SNX29: variants seen among roughly 807,000 people sequenced by gnomAD.
SNX29 encodes the protein sorting nexin-29.
Under a neutral mutation model 102.1 loss-of-function variants are expected in SNX29, and 78 were observed. The ratio of observed to expected loss-of-function variants is 0.76; its 90% CI spans 0.64 to 0.92. SNX29 has a LOEUF of 0.92. Among genes scored for constraint, SNX29 ranks in the 40% least tolerant of loss-of-function variants. SNX29 has a pLI of 0.00. For synonymous variants in SNX29, 580 were observed against 414.5 expected (o/e 1.40, Z -4.85); for missense variants, 1,280 against 1,061.7 (o/e 1.21, Z -2.86).
intron 20 of SNX29, among the ~76,000 whole-genome samples, chr16:12,536,611 G>T (rs545260020): frequency 4.8e-4 from 73 of 152,290 alleles, no homozygotes; most frequent in South Asian, 2.5e-3. Context: ...TAACTAGTTT[G>T]GCTGTGGCTG....
intron 18 of SNX29, among the ~76,000 whole-genome samples, chr16:12,471,225 C>T (rs1567597908): frequency 6.6e-6 from 1 of 152,214 alleles, no homozygotes; most frequent in Non-Finnish European, 1.5e-5. Context: ...TCCCTCCCCA[C>T]ATCTTCTTTT....
chr16:12,220,152 AAGAATGTGTGTTATTTCAC>A lies in SNX29; in HGVS notation c.1678+20473_1678+20491del, dbSNP rs138748823. ...CACCGCGCTGTGAGTTGGAGGTAAC[AAGAATGTGTGTTATTTCAC>A]AGAGCTGAGAAGCTTGGGGTGCAGG... On this transcript the variant is annotated intron_variant, in intron 14 of 20. Coordinates refer to ENST00000566228, the MANE Select transcript of SNX29 (RefSeq NM_032167.5). Among the ~76,000 whole-genome samples, 636 of 152,352 alleles carry A rather than the reference AAGAATGTGTGTTATTTCAC, an allele frequency of 4.2e-3. 4 individuals carry two copies. The highest frequency in any genetic ancestry group is 0.015 in the African/African-American group (607 of 41,584).
At position 12,046,467 on chromosome 16, in the gene SNX29, C is replaced by T. The variant is rs534648447; in HGVS notation, c.499+13C>T. 6.2e-7 allele frequency: 1 copy of T among 1,613,634 alleles called. No individual in the cohort carries two copies. Among genetic ancestry groups the T allele is most frequent in the South Asian group, 1.1e-5 (1 of 91,052 alleles). On this transcript the variant is annotated intron_variant, in intron 6 of 20. Transcript: ENST00000566228. ...ACCATGGCAGCAGGTAAGCCTGGCC[C>T]AGACCAGGGTGCAGGGCCTTGTGAC...
At chr16:12,225,756 C>G (rs370202693) in intron 14 of SNX29, among the ~76,000 whole-genome samples, 1 of 152,152 alleles carries the variant, frequency 6.6e-6, no homozygotes, top group African/African-American at 2.4e-5. Flanking sequence ...GGGATTTGAC[C>G]AGATCTCAGC....
chr16:11,981,486 C>T (rs935691276), intron 1 of SNX29, among the ~76,000 whole-genome samples: 4 of 152,114 alleles, frequency 2.6e-5, no homozygotes, highest in African/African-American at 9.7e-5. Context: ...CCTTTTCCCC[C>T]TTGCATTTGT....
intron 13 of SNX29, among the ~76,000 whole-genome samples, chr16:12,188,844 C>T (rs2076575910): frequency 6.6e-6 from 1 of 152,188 alleles, no homozygotes; most frequent in South Asian, 2.1e-4. Flanking sequence ...GAATTTGAGT[C>T]CCCTGGCAGC....
At chr16:12,556,690 G>A (rs758777098) in intron 20 of SNX29, among the ~76,000 whole-genome samples, 68 of 152,238 alleles carry the variant, frequency 4.5e-4, no homozygotes, top group African/African-American at 1.5e-3. Flanking sequence ...TGTGTCTGGA[G>A]GCAGAAGCCA....
chr16:12,568,567 A>C lies in SNX29; in HGVS notation c.2380A>C (p.Lys794Gln), dbSNP rs751493699. The C allele has an allele frequency of 3.1e-6, 5 of 1,608,206 alleles. No individual in the cohort carries two copies. In the South Asian group the frequency reaches 4.4e-5, roughly 14 times the overall value. ...SRPKAASRFPKLSRGQPRETR... is the reference protein window; with the variant it reads ...SRPKAASRFPQLSRGQPRETR... ...GCCCAAAGCAGCTTCCCGCTTCCCCAAACTGTCCCGGGGTCAGCCCCGGGA... is the reference window on the plus strand; with the variant it reads ...GCCCAAAGCAGCTTCCCGCTTCCCCCAACTGTCCCGGGGTCAGCCCCGGGA... Residue 794 changes from lysine to glutamine, a missense_variant, in exon 21 of 21, where the codon AAA (lysine) becomes CAA (glutamine). Lys to Gln is a moderately conservative substitution (Grantham distance 53). Coordinates refer to ENST00000566228, the MANE Select transcript of SNX29 (RefSeq NM_032167.5).
chr16:12,526,639 C>G (rs755272718), intron 20 of SNX29: 2 of 528,832 alleles, frequency 3.8e-6, no homozygotes, highest in South Asian at 1.6e-5. Flanking sequence ...CCAGGGTGCA[C>G]GGGGGAATTA....
chr16:12,159,098 C>T (rs2055674917), intron 13 of SNX29, among the ~76,000 whole-genome samples: 1 of 152,238 alleles, frequency 6.6e-6, no homozygotes. Flanking sequence ...TAGCAATTAG[C>T]TGGAATGAAG....
intron 20 of SNX29, chr16:12,561,210 C>A: frequency 4.3e-6 from 1 of 230,894 alleles, no homozygotes; most frequent in Non-Finnish European, 8.6e-6. Context: ...AGGACCCCCG[C>A]AGCCATGCAG....
intron 20 of SNX29, among the ~76,000 whole-genome samples, chr16:12,540,722 A>T (rs1299801800): frequency 6.6e-6 from 1 of 152,168 alleles, no homozygotes; most frequent in Non-Finnish European, 1.5e-5. Context: ...TCCAGGGATG[A>T]AGAGCTGGGC....
At position 11,985,536 on chromosome 16, in the gene SNX29, C is replaced by T. The variant is rs564712373; in HGVS notation, c.7+8723C>T. ...CTGGCTGTCAACTCGTCTTTTCTCTCTGTTGGCTTCACCCACAGGCAGCCG... is the reference window on the plus strand; with the variant it reads ...CTGGCTGTCAACTCGTCTTTTCTCTTTGTTGGCTTCACCCACAGGCAGCCG... On this transcript the variant is annotated intron_variant, in intron 1 of 20. Coordinates refer to ENST00000566228, the MANE Select transcript of SNX29 (RefSeq NM_032167.5). 4.6e-5 allele frequency among the ~76,000 whole-genome samples: 7 copies of T among 152,328 alleles called. No homozygotes were observed. In the East Asian group the frequency reaches 1.3e-3, roughly 29 times the overall value.
At chr16:12,011,116 T>C (rs954999230) in intron 3 of SNX29, among the ~76,000 whole-genome samples, 4 of 151,950 alleles carry the variant, frequency 2.6e-5, no homozygotes, top group Admixed American at 6.6e-5. Flanking sequence ...TATTTCCACT[T>C]TGAGGCTCTG....
At chr16:12,493,515 A>G (rs926472707) in intron 19 of SNX29, among the ~76,000 whole-genome samples, 9 of 152,146 alleles carry the variant, frequency 5.9e-5, no homozygotes, top group African/African-American at 1.9e-4. Context: ...TTCCTAATTG[A>G]ATACCCTTTA....
chr16:12,148,534 C>T (rs1025273742), intron 13 of SNX29, among the ~76,000 whole-genome samples: 2 of 152,088 alleles, frequency 1.3e-5, no homozygotes, highest in Non-Finnish European at 2.9e-5. Flanking sequence ...TGTCCAATCT[C>T]CCCCTCCCCT....
chr16:12,411,658 G>A (rs2084402733), intron 18 of SNX29, among the ~76,000 whole-genome samples: 1 of 152,196 alleles, frequency 6.6e-6, no homozygotes, highest in Admixed American at 6.5e-5. Context: ...ACCAGTGGGA[G>A]CCAAACTTGA....
At chr16:12,177,325 C>G (rs1455006138) in intron 13 of SNX29, among the ~76,000 whole-genome samples, 1 of 152,154 alleles carries the variant, frequency 6.6e-6, no homozygotes, top group Non-Finnish European at 1.5e-5. Context: ...CCTCAGTTTA[C>G]TTAGCTGTAA....
At chr16:12,105,607 T>C (rs1029960491) in intron 11 of SNX29, among the ~76,000 whole-genome samples, 2 of 152,152 alleles carry the variant, frequency 1.3e-5, no homozygotes, top group African/African-American at 4.8e-5. Context: ...TTAGTCTATA[T>C]GTGATTTTCT....
Sources: gnomAD v4.1 joint callset for allele counts (sites outside exome capture counted in the v4.1 genomes callset) on GRCh38, gnomAD v4.1.1 for gene constraint, MANE v1.5 for transcripts, NCBI Gene and HGNC (gene_info 2026-07-23, HGNC 2026-07-21) for gene names.